The following TTLL4 variants were observed in gnomAD, a reference collection of about 807,000 sequenced individuals.
TTLL4 encodes tubulin tyrosine ligase like 4.
A neutral mutation model predicts 122.7 loss-of-function variants in TTLL4; 85 were observed. That is an observed-to-expected ratio of 0.69 (90% confidence interval 0.58 to 0.83). The LOEUF is 0.83. Among genes scored for constraint, TTLL4 ranks in the 40% least tolerant of loss-of-function variants. TTLL4 has a pLI of 0.00. For synonymous variants in TTLL4, 553 were observed against 563.0 expected (o/e 0.98, Z 0.25); for missense variants, 1,363 against 1,488.6 (o/e 0.92, Z 1.39).
intron 2 of TTLL4, among the ~76,000 whole-genome samples, chr2:218,728,779 T>C (rs1942266735): frequency 6.6e-6 from 1 of 152,204 alleles, no homozygotes; most frequent in African/African-American, 2.4e-5. Flanking sequence ...CTCCTTTGGC[T>C]GAGTTACAGA....
At chr2:218,742,989 C>A (rs745618592) in intron 5 of TTLL4, among the ~76,000 whole-genome samples, 10 of 151,832 alleles carry the variant, frequency 6.6e-5, no homozygotes, top group Non-Finnish European at 1.0e-4. Context: ...ACTAAAAATA[C>A]AAAAATTAGC....
At position 218,753,731 on chromosome 2, in the gene TTLL4, C is replaced by G. The variant is rs1429486267; in HGVS notation, c.3344+62C>G. On this transcript the variant is annotated intron_variant, in intron 19 of 19. Coordinates refer to ENST00000392102, the MANE Select transcript of TTLL4 (RefSeq NM_014640.5). ...GTGAGTTTGTAGAGTTTTCTTCCTT[C>G]CCCTCTTCCCAGACTGTGGCAGTGA... is the stretch of plus-strand genomic sequence containing the variant. 3.2e-6 allele frequency: 5 copies of G among 1,557,022 alleles called. No individual in the cohort carries two copies. The African/African-American group carries it at 6.8e-5, about 21-fold the overall frequency.
chr2:218,720,705 A>AATTGGGG (rs1460265774), intron 1 of TTLL4, among the ~76,000 whole-genome samples: 1 of 151,898 alleles, frequency 6.6e-6, no homozygotes, highest in African/African-American at 2.4e-5. Flanking sequence ...AGAAATACAT[A>AATTGGGG]ATTGGGGTGT....
At chr2:218,719,028 T>A (rs928293378) in intron 1 of TTLL4, among the ~76,000 whole-genome samples, 4 of 152,232 alleles carry the variant, frequency 2.6e-5, no homozygotes, top group African/African-American at 9.6e-5. Context: ...CTTACCCCTT[T>A]ATTCAAGTTT....
intron 5 of TTLL4, among the ~76,000 whole-genome samples, chr2:218,741,746 T>G (rs1434297042): frequency 6.6e-6 from 1 of 152,216 alleles, no homozygotes; most frequent in African/African-American, 2.4e-5. Flanking sequence ...AGGAGAAAGA[T>G]ATTTGACATG....
At chr2:218,716,981 A>G (rs2106388207) in intron 1 of TTLL4, among the ~76,000 whole-genome samples, 1 of 152,204 alleles carries the variant, frequency 6.6e-6, no homozygotes, top group South Asian at 2.1e-4. Flanking sequence ...AAAGGCAAAT[A>G]ACATCTTAGG....
intron 1 of TTLL4, among the ~76,000 whole-genome samples, 199 bp downstream of exon 1, chr2:218,711,236 G>A (rs928132585): frequency 1.3e-5 from 2 of 152,202 alleles, no homozygotes; most frequent in Non-Finnish European, 2.9e-5. Flanking sequence ...GGGACTTCGC[G>A]CCTCCTCGGA....
chr2:218,727,411 T>A (rs765958536), intron 2 of TTLL4, 64 bp downstream of exon 2: 17 of 152,204 alleles, frequency 1.1e-4, no homozygotes, highest in Non-Finnish European at 2.2e-4. Flanking sequence ...AATCTCTTTG[T>A]TAAATTTCTC....
At position 218,749,277 on chromosome 2, in the gene TTLL4, G is replaced by C. The variant is rs141182242; in HGVS notation, c.2625G>C (p.Leu875=). ...IISSEPYVTS[L]LKMYVRRPYS... ...GGTCAGAGCCCTATGTGACCAGCCT[G>C]CTCAAGATGTATGTGCGACGGCCCT... The change falls in exon 14 of 20, where the codon CTG becomes CTC. Residue 875 remains leucine, a synonymous_variant. Coordinates refer to ENST00000392102, the MANE Select transcript of TTLL4 (RefSeq NM_014640.5). 6 of 1,614,016 alleles carry C rather than the reference G, an allele frequency of 3.7e-6. No homozygotes were observed. In the Admixed American group the frequency reaches 1.0e-4, roughly 27 times the overall value.
Position 218,737,638 on chromosome 2 carries a change from C to T in TTLL4, c.-39C>T. 1 of 1,536,202 alleles carries T rather than the reference C, an allele frequency of 6.5e-7. No homozygotes were observed. The highest frequency in any genetic ancestry group is 1.3e-5 in the South Asian group (1 of 78,308). ...GGAGGTGTGTGGCACCTTACCTCAG[C>T]AAGGCCATGAGACCGTGTGGCCATG... On this transcript the variant is annotated 5_prime_UTR_variant, in exon 3 of 20. It introduces an in-frame stop codon into an upstream open reading frame of the 5' UTR. Coordinates refer to ENST00000392102, the MANE Select transcript of TTLL4 (RefSeq NM_014640.5).
In TTLL4 at chr2:218,739,016, G is replaced by A; in HGVS notation, c.1340G>A (p.Gly447Glu). 6.2e-7 allele frequency: 1 copy of A among 1,614,148 alleles called. No individual in the cohort carries two copies. The highest frequency in any genetic ancestry group is 8.5e-7 in the Non-Finnish European group (1 of 1,180,020). ...CESVIDSSAF[G>E]EGKAPGPPFP... ...TCTGTAATTGACTCCTCAGCATTTG[G>A]AGAAGGCAAAGCTCCAGGTCCCCCT... Residue 447 changes from glycine to glutamate, a missense_variant, in exon 3 of 20, where the codon GGA (glycine) becomes GAA (glutamate). Physicochemically the swap from Gly to Glu is moderately conservative, Grantham distance 98. This residue lies in a region of TTLL4 where 760 missense variants were observed against 808.4 expected (regional missense o/e 0.94). Coordinates refer to ENST00000392102, the MANE Select transcript of TTLL4 (RefSeq NM_014640.5).
intron 1 of TTLL4, among the ~76,000 whole-genome samples, chr2:218,714,836 T>G (rs900393985): frequency 6.6e-6 from 1 of 152,002 alleles, no homozygotes; most frequent in Non-Finnish European, 1.5e-5. Flanking sequence ...CTCGAACTCC[T>G]GGACTCAAAC....
At chr2:218,749,847 G>A (rs919952684) in intron 14 of TTLL4, among the ~76,000 whole-genome samples, 162 bp from the exon 15 acceptor site, 29 of 152,142 alleles carry the variant, frequency 1.9e-4, no homozygotes, top group African/African-American at 6.5e-4. Flanking sequence ...CACCGTCTTT[G>A]GGGCAAGAGA....
In TTLL4 at chr2:218,752,832, G is replaced by T; in HGVS notation, c.3046G>T (p.Glu1016Ter). ...TCGGATTCTGGTTGAGATGGAAGAT[G>T]AGTTTTCTCGCCGTGGTCAGTTTGA... ...DVRILVEMED[E>*]FSRRGQFERI... is the part of the protein sequence containing the mutation. The change falls in exon 17 of 20, where the codon GAG becomes TAG. Residue 1016 changes from glutamate to a stop codon, truncating the protein, a stop_gained. Transcript: ENST00000392102. LOFTEE classifies it high-confidence loss of function. 6.2e-7 allele frequency: 1 copy of T among 1,614,192 alleles called. No homozygotes were observed. The highest frequency in any genetic ancestry group is 8.5e-7 in the Non-Finnish European group (1 of 1,180,020).
chr2:218,732,316 C>T (rs911862046), intron 2 of TTLL4, among the ~76,000 whole-genome samples: 1 of 152,090 alleles, frequency 6.6e-6, no homozygotes, highest in Non-Finnish European at 1.5e-5. Flanking sequence ...ACCTTTTCTC[C>T]TGTTGTCTTT....
chr2:218,721,816 A>G (rs1180370656), intron 1 of TTLL4, among the ~76,000 whole-genome samples: 1 of 152,206 alleles, frequency 6.6e-6, no homozygotes, highest in Non-Finnish European at 1.5e-5. Flanking sequence ...AAATGCATAA[A>G]TAATTGAGGT....
Position 218,748,225 on chromosome 2 carries a change from A to G in TTLL4, c.2499A>G (p.Lys833=), listed in dbSNP as rs1208481737. The part of the protein sequence containing the change: ...NADEMACQGH[K]WALKALWNYL... ...ATGAAATGGCTTGCCAGGGCCACAA[A>G]TGGTACTGAGGGCAGAGTGTCCCAG... is the stretch of plus-strand genomic sequence containing the variant. The change falls in exon 12 of 20, where the codon AAA becomes AAG. Residue 833 remains lysine (K), a splice_region_variant and synonymous_variant. Coordinates refer to ENST00000392102, the MANE Select transcript of TTLL4 (RefSeq NM_014640.5). 1 of 1,613,950 alleles carries G rather than the reference A, an allele frequency of 6.2e-7. No homozygotes were observed. Among genetic ancestry groups the G allele is most frequent in the Admixed American group, 1.7e-5 (1 of 59,992 alleles).
intron 6 of TTLL4, 115 bp from the exon 7 acceptor site, chr2:218,745,576 T>C (rs1942818875): frequency 1.4e-6 from 1 of 735,068 alleles, no homozygotes; most frequent in Admixed American, 2.2e-5. Context: ...GAGCAATAGT[T>C]AGTGACTTGC....
chr2:218,732,954 C>T (rs1239059224), intron 2 of TTLL4, among the ~76,000 whole-genome samples: 1 of 152,162 alleles, frequency 6.6e-6, no homozygotes, highest in Non-Finnish European at 1.5e-5. Context: ...GTGATACTGT[C>T]GTGAGTGATA....
Sources: allele counts gnomAD v4.1 joint callset (sites outside exome capture counted in the v4.1 genomes callset), GRCh38; gene constraint gnomAD v4.1.1; regional missense constraint gnomAD v4.1.1; transcripts MANE v1.5; gene names NCBI Gene and HGNC (gene_info 2026-07-23, HGNC 2026-07-21).